Variants in CRY1 observed in about 807,000 individuals in gnomAD.
CRY1 encodes the protein cryptochrome-1.
CRY1 carries 45 observed loss-of-function variants against 76.0 expected under a neutral mutation model. The ratio of observed to expected loss-of-function variants is 0.59; its 90% CI spans 0.47 to 0.76. CRY1 has a LOEUF of 0.76. Ranked by LOEUF, CRY1 falls within the 30% of genes least tolerant of loss-of-function variation. The pLI, the probability that CRY1 is intolerant of heterozygous loss-of-function variation, is 0.00. For missense variants in CRY1, 587 were observed against 716.4 expected (o/e 0.82, Z 2.06); for synonymous variants, 248 against 244.0 (o/e 1.02, Z -0.15).
intron 10 of CRY1, among the ~76,000 whole-genome samples, chr12:106,997,009 T>A (rs1037226063): frequency 3.9e-5 from 6 of 152,228 alleles, no homozygotes; most frequent in African/African-American, 1.4e-4. Flanking sequence ...TCTGAAAATA[T>A]GACATTTGAG....
chr12:107,092,534 A>G (rs1468734494), intron 1 of CRY1, among the ~76,000 whole-genome samples: 2 of 152,196 alleles, frequency 1.3e-5, no homozygotes, highest in African/African-American at 4.8e-5. Context: ...CAGCACTAAG[A>G]ATTCTCCACA....
At chr12:107,021,895 A>C (rs1566250669) in intron 2 of CRY1, among the ~76,000 whole-genome samples, 189 bp downstream of exon 2, 1 of 152,130 alleles carries the variant, frequency 6.6e-6, no homozygotes. Context: ...TTTCATTGTA[A>C]ACTATTTTCT....
intron 1 of CRY1, among the ~76,000 whole-genome samples, chr12:107,044,018 T>C (rs534339874): frequency 6.6e-4 from 101 of 152,272 alleles, no homozygotes; most frequent in African/African-American, 2.4e-3. Context: ...CTCAGCTTCC[T>C]GAGACCAGGC....
chr12:107,000,045 G>C lies in CRY1; in HGVS notation c.722C>G (p.Ala241Gly). 1.2e-6 allele frequency: 2 copies of C among 1,609,584 alleles called. No homozygotes were observed. Among genetic ancestry groups the C allele is most frequent in the Non-Finnish European group, 1.7e-6 (2 of 1,178,926 alleles). Residue 241 changes from alanine (A) to glycine (G), a missense_variant, in exon 6 of 13, where the codon GCG becomes GGG. Coordinates refer to ENST00000008527, the MANE Select transcript of CRY1 (RefSeq NM_004075.5). ...VANFERPRMN[A>G]NSLLASPTGL... Reference sequence around the variant, plus strand: ...AGTAGGGCTTGCAAGCAGAGAATTCGCATTCATTCGAGGTCTTTCAAAATT... The same window carrying C: ...AGTAGGGCTTGCAAGCAGAGAATTCCCATTCATTCGAGGTCTTTCAAAATT...
chr12:106,998,690 A>ACACACAAG (rs2070800489), intron 7 of CRY1, among the ~76,000 whole-genome samples: 1 of 151,594 alleles, frequency 6.6e-6, no homozygotes. Flanking sequence ...ACACACACAC[A>ACACACAAG]CAAGCTCAGA....
chr12:107,059,808 A>T (rs577332482), intron 1 of CRY1, among the ~76,000 whole-genome samples: 3 of 152,376 alleles, frequency 2.0e-5, no homozygotes, highest in African/African-American at 7.2e-5. Context: ...ATTTAGGTTC[A>T]GAAATCCTCT....
At chr12:107,039,898 A>G (rs1169029742) in intron 1 of CRY1, among the ~76,000 whole-genome samples, 1 of 152,206 alleles carries the variant, frequency 6.6e-6, no homozygotes, top group Non-Finnish European at 1.5e-5. Flanking sequence ...TAGCCACAAG[A>G]TGGAATGAAT....
chr12:107,069,563 A>G (rs1241751503), intron 1 of CRY1, among the ~76,000 whole-genome samples: 1 of 139,372 alleles, frequency 7.2e-6, no homozygotes, highest in Non-Finnish European at 1.5e-5. Flanking sequence ...TATATATAAT[A>G]TATATATAAA....
intron 1 of CRY1, among the ~76,000 whole-genome samples, chr12:107,078,984 C>A (rs1953290637): frequency 6.6e-6 from 1 of 152,132 alleles, no homozygotes. Context: ...GATAAAGTCT[C>A]CAAACTAGTA....
At chr12:106,992,550 C>A (rs1952190347) in intron 12 of CRY1, 2 of 339,934 alleles carry the variant, frequency 5.9e-6, no homozygotes, top group Non-Finnish European at 1.1e-5. Context: ...AAATCATAAA[C>A]ATCTCTAATT....
rs565134030 is a variant in CRY1 at position 106,997,733 on chromosome 12, A to G, written c.1290-43T>C. Reference sequence around the variant, plus strand: ...AAGATTACTAATAAAATGCACTCTAAGCAAACTATAACTACTAGCTATGAC... The same window carrying G: ...AAGATTACTAATAAAATGCACTCTAGGCAAACTATAACTACTAGCTATGAC... On this transcript the variant is annotated intron_variant, in intron 8 of 12. Transcript: ENST00000008527. 6 of 1,604,382 alleles carry G rather than the reference A, an allele frequency of 3.7e-6. No individual in the cohort carries two copies. In the South Asian group the frequency reaches 6.6e-5, roughly 18 times the overall value.
chr12:106,998,044 T>C lies in CRY1; in HGVS notation c.1160A>G (p.Asp387Gly), dbSNP rs1158429803. The C allele has an allele frequency of 1.2e-6, 2 of 1,613,976 alleles. No homozygotes were observed. Among genetic ancestry groups the C allele is most frequent in the Non-Finnish European group, 1.7e-6 (2 of 1,179,990 alleles). The stretch of plus-strand genomic sequence containing the variant: ...TCCAGCATTTATGCTCCAATCTGCA[T>C]CAAGCAATAATTCTTCAAATACCTT... The part of the protein sequence containing the change: ...GMKVFEELLL[D>G]ADWSINAGSW... Residue 387 changes from aspartate to glycine, a missense_variant, in exon 8 of 13, where the codon GAT becomes GGT. Physicochemically the swap from Asp to Gly is moderately conservative, Grantham distance 94. Coordinates refer to ENST00000008527, the MANE Select transcript of CRY1 (RefSeq NM_004075.5).
intron 1 of CRY1, among the ~76,000 whole-genome samples, chr12:107,085,044 G>C (rs1416684338): frequency 6.6e-6 from 1 of 151,320 alleles, no homozygotes; most frequent in Non-Finnish European, 1.5e-5. Context: ...CATTTATGTG[G>C]CCAAAAAACA....
intron 2 of CRY1, among the ~76,000 whole-genome samples, chr12:107,010,929 G>A (rs895305956): frequency 1.3e-5 from 2 of 152,108 alleles, no homozygotes; most frequent in African/African-American, 4.8e-5. Context: ...CAACAATATT[G>A]AAATTAGGCC....
chr12:107,059,711 GA>G (rs1953026654), intron 1 of CRY1, among the ~76,000 whole-genome samples: 1 of 152,154 alleles, frequency 6.6e-6, no homozygotes, highest in Non-Finnish European at 1.5e-5. Context: ...TAGTAATGAT[GA>G]TCTCACAGTG....
In CRY1 at chr12:107,092,904, CG is replaced by C. The variant is rs761406115; in HGVS notation, c.57del (p.Ala20ProfsTer2). On this transcript the variant is annotated frameshift_variant, in exon 1 of 13. Coordinates refer to ENST00000008527, the MANE Select transcript of CRY1 (RefSeq NM_004075.5). LOFTEE classifies it high-confidence loss of function. ...FRKGLRLHDN[P>X]ALKECIQGAD... ...GCGCCCTGAATGCACTCCTTCAGGG[CG>C]GGGTTGTCGTGGAGCCGGAGCCCCT... 1.9e-6 allele frequency: 3 copies of C among 1,607,990 alleles called. No homozygotes were observed. Among genetic ancestry groups the C allele is most frequent in the Admixed American group, 1.7e-5 (1 of 59,530 alleles).
In CRY1 at chr12:107,092,713, C is replaced by A. The variant is rs922681731; in HGVS notation, c.158+91G>T. ...CGGTATAAGCAAGACAGTCCCACGTCTAAATTCACAGATTTGGCGGATCGC... is the reference window on the plus strand; with the variant it reads ...CGGTATAAGCAAGACAGTCCCACGTATAAATTCACAGATTTGGCGGATCGC... On this transcript the variant is annotated intron_variant, in intron 1 of 12. Coordinates refer to ENST00000008527, the MANE Select transcript of CRY1 (RefSeq NM_004075.5). 3.2e-6 allele frequency: 5 copies of A among 1,551,912 alleles called. No individual in the cohort carries two copies. In the East Asian group the frequency reaches 9.5e-5, roughly 29 times the overall value.
chr12:107,029,178 C>G (rs1415698752), intron 1 of CRY1, among the ~76,000 whole-genome samples: 1 of 151,918 alleles, frequency 6.6e-6, no homozygotes, highest in Non-Finnish European at 1.5e-5. Context: ...GTCAGGACTA[C>G]GTGCATGCAC....
At chr12:107,004,037 C>T (rs879552323) in intron 3 of CRY1, among the ~76,000 whole-genome samples, 18 of 152,056 alleles carry the variant, frequency 1.2e-4, no homozygotes, top group Admixed American at 1.2e-3. Flanking sequence ...GAACTCCTGA[C>T]CTCGTGATCC....
Sources: allele counts gnomAD v4.1 joint callset (sites outside exome capture counted in the v4.1 genomes callset), GRCh38; gene constraint gnomAD v4.1.1; transcripts MANE v1.5; gene names NCBI Gene and HGNC (gene_info 2026-07-23, HGNC 2026-07-21).